OPRM1: variants seen among roughly 807,000 people sequenced by gnomAD.
OPRM1 encodes the protein mu-type opioid receptor.
A neutral mutation model predicts 31.8 loss-of-function variants in OPRM1; 27 were observed. The ratio of observed to expected loss-of-function variants is 0.85; its 90% confidence interval spans 0.63 to 1.17. The LOEUF is 1.17. OPRM1 is among the 50% of genes most tolerant of loss of function. The probability of loss-of-function intolerance (pLI) is 0.00; values close to 1 mark genes in which losing one functional copy is unlikely to be tolerated. For synonymous variants in OPRM1, 196 were observed against 189.9 expected, an observed-to-expected ratio of 1.03 and a Z score of -0.26; for missense variants, 536 against 511.1, an observed-to-expected ratio of 1.05 and a Z score of -0.47.
intron 3 of OPRM1, among the ~76,000 whole-genome samples, chr6:154,186,721 T>A (rs1333588199): frequency 1.3e-5 from 2 of 151,916 alleles, no homozygotes; most frequent in African/African-American, 2.4e-5. Context: ...CACGCCTGGC[T>A]AATTTTTTGT....
intron 1 of OPRM1, among the ~76,000 whole-genome samples, chr6:154,081,963 C>T (rs1165711821): frequency 6.6e-6 from 1 of 152,200 alleles, no homozygotes; most frequent in African/African-American, 2.4e-5. Context: ...GCAATAGTTC[C>T]TTTCCTGCAG....
intron 3 of OPRM1, among the ~76,000 whole-genome samples, chr6:154,234,808 C>T (rs1342935361): frequency 6.6e-6 from 1 of 152,168 alleles, no homozygotes; most frequent in African/African-American, 2.4e-5. Context: ...GGTAGTCTGA[C>T]ATACAAAGAT....
chr6:154,212,515 CT>C (rs1198210367), intron 3 of OPRM1, among the ~76,000 whole-genome samples: 2 of 152,202 alleles, frequency 1.3e-5, no homozygotes, highest in African/African-American at 2.4e-5. Flanking sequence ...ACCTAGAAGC[CT>C]TTGCATCCTC....
chr6:154,181,509 T>C (rs1305943226), intron 3 of OPRM1, among the ~76,000 whole-genome samples: 3 of 152,244 alleles, frequency 2.0e-5, no homozygotes, highest in African/African-American at 4.8e-5. Flanking sequence ...GCTATGAATA[T>C]ATATATTTGA....
rs1342376429 is a variant in OPRM1, at chr6:154,103,654, A to T, written c.1164+12182A>T. The stretch of plus-strand genomic sequence containing the variant: ...CAGCCCTGAGGGCTTCTGGTGGCCC[A>T]TTTTTACAGTTATTTCTTGATGATA... On this transcript the variant is annotated intron_variant, in intron 3 of 3. Coordinates refer to ENST00000330432, the MANE Select transcript of OPRM1 (RefSeq NM_000914.5). 2.6e-5 allele frequency among the ~76,000 whole-genome samples: 4 copies of T among 152,272 alleles called. No homozygotes were observed. The East Asian group carries it at 7.7e-4, about 29-fold the overall frequency.
intron 3 of OPRM1, among the ~76,000 whole-genome samples, chr6:154,167,047 C>T (rs866682442): frequency 6.6e-5 from 10 of 152,322 alleles, no homozygotes; most frequent in Admixed American, 1.3e-4. Context: ...GCCACTCAGC[C>T]TGCCTTTGTA....
chr6:154,246,790 T>C, exon 4 of OPRM1: 1 of 1,605,926 alleles, frequency 6.2e-7, no homozygotes, highest in Non-Finnish European at 8.5e-7. Context: ...AGGTAGATAA[T>C]GTATTACCCT....
downstream of OPRM1, among the ~76,000 whole-genome samples, chr6:154,132,631 A>G (rs1282184238): frequency 6.6e-6 from 1 of 152,250 alleles, no homozygotes; most frequent in Non-Finnish European, 1.5e-5. Flanking sequence ...TATCCACTGT[A>G]AAGTCTATAG....
intron 3 of OPRM1, among the ~76,000 whole-genome samples, chr6:154,225,488 A>T (rs1410417969): frequency 6.6e-6 from 1 of 152,238 alleles, no homozygotes; most frequent in Non-Finnish European, 1.5e-5. Flanking sequence ...GAAACCAGAC[A>T]CAAAAGCTCA....
chr6:154,112,456 A>T (rs1446236405), intron 3 of OPRM1, among the ~76,000 whole-genome samples: 1 of 152,230 alleles, frequency 6.6e-6, no homozygotes, highest in Non-Finnish European at 1.5e-5. Flanking sequence ...TGCTACACAT[A>T]CAATGAGTTG....
chr6:154,238,358 C>T (rs968692955), intron 3 of OPRM1, among the ~76,000 whole-genome samples: 8 of 152,048 alleles, frequency 5.3e-5, no homozygotes, highest in Admixed American at 2.0e-4. Flanking sequence ...CAGGTTCAAG[C>T]GATTCTCCTG....
intron 3 of OPRM1, among the ~76,000 whole-genome samples, chr6:154,149,096 C>CA (rs1384563669): frequency 6.6e-6 from 1 of 152,154 alleles, no homozygotes; most frequent in Non-Finnish European, 1.5e-5. Context: ...TGTATTAGTT[C>CA]ATTTTCACAC....
intron 1 of OPRM1, among the ~76,000 whole-genome samples, chr6:154,061,308 C>T (rs1784369923): frequency 6.6e-6 from 1 of 152,132 alleles, no homozygotes; most frequent in Non-Finnish European, 1.5e-5. Context: ...TTAAGTACTC[C>T]TCTCAACACT....
chr6:154,084,740 G>A lies in OPRM1; in HGVS notation c.291-5086G>A, dbSNP rs552548861. On this transcript the variant is annotated intron_variant, in intron 1 of 3. Coordinates refer to ENST00000330432, the MANE Select transcript of OPRM1 (RefSeq NM_000914.5). ...AGCACATTGCTGAACATATAAAAGG[G>A]GCTTGTTGAATTCTTACTGAATTAG... 2.6e-5 allele frequency among the ~76,000 whole-genome samples: 4 copies of A among 152,002 alleles called. No homozygotes were observed. In the East Asian group the frequency reaches 5.8e-4, roughly 22 times the overall value.
At chr6:154,105,739 A>G (rs911483972) in intron 3 of OPRM1, among the ~76,000 whole-genome samples, 1 of 152,240 alleles carries the variant, frequency 6.6e-6, no homozygotes, top group African/African-American at 2.4e-5. Flanking sequence ...AACATATACC[A>G]GTAACACATT....
chr6:154,150,170 G>A (rs745967165), intron 3 of OPRM1, among the ~76,000 whole-genome samples: 1 of 152,178 alleles, frequency 6.6e-6, no homozygotes, highest in Non-Finnish European at 1.5e-5. Flanking sequence ...CATTTTCCAG[G>A]CTTTCAAGGA....
intron 3 of OPRM1, chr6:154,093,339 C>T: frequency 1.9e-6 from 3 of 1,614,108 alleles, no homozygotes; most frequent in Non-Finnish European, 2.5e-6. Flanking sequence ...CCCTGGACCA[C>T]TGCAAGGACC....
At chr6:154,059,963 G>A (rs554997893) in intron 1 of OPRM1, among the ~76,000 whole-genome samples, 4 of 152,120 alleles carry the variant, frequency 2.6e-5, no homozygotes, top group South Asian at 2.1e-4. Flanking sequence ...TTCTACATTC[G>A]AGTTGAGAAG....
intron 3 of OPRM1, among the ~76,000 whole-genome samples, chr6:154,239,293 G>A (rs1780387815): frequency 6.6e-6 from 1 of 152,116 alleles, no homozygotes; most frequent in African/African-American, 2.4e-5. Context: ...ATAAAGCTAT[G>A]ACAGGGGAAC....
Sources: allele counts gnomAD v4.1 joint callset (sites outside exome capture counted in the v4.1 genomes callset), GRCh38; gene constraint gnomAD v4.1.1; transcripts MANE v1.5; gene names NCBI Gene and HGNC (gene_info 2026-07-23, HGNC 2026-07-21).